UST: variants seen among roughly 807,000 people sequenced by gnomAD.
UST encodes the protein uronyl 2-sulfotransferase.
Under a neutral mutation model 45.6 loss-of-function variants are expected in UST, and 21 were observed. The observed-to-expected ratio is 0.46, with a 90% CI of 0.33 to 0.66. The LOEUF (loss-of-function observed/expected upper bound fraction) is 0.66. Among genes scored for constraint, UST ranks in the 30% least tolerant of loss-of-function variants. UST has a pLI of 0.02. For missense variants in UST, 463 were observed against 512.4 expected (o/e 0.90, Z 0.93); for synonymous variants, 215 against 200.6 (o/e 1.07, Z -0.61).
chr6:148,790,689 A>T lies in UST; in HGVS notation c.247+43012A>T, dbSNP rs1776828242. 6.6e-6 allele frequency among the ~76,000 whole-genome samples: 1 copy of T among 152,132 alleles called. No individual in the cohort carries two copies. The highest frequency in any genetic ancestry group is 6.5e-5 in the Admixed American group (1 of 15,286). On this transcript the variant is annotated intron_variant, in intron 1 of 7. Coordinates refer to ENST00000367463, the MANE Select transcript of UST (RefSeq NM_005715.3). The surrounding 1 kb of genome is among the most constrained non-coding windows in gnomAD (Gnocchi z 4.2). The stretch of plus-strand genomic sequence containing the variant: ...GGAGTGCTGTGCCCCGTGTGGAAGG[A>T]AACCTCCTCGCCCAAGGTTATGCCT...
At chr6:148,948,636 T>A (rs1009467475) in intron 3 of UST, among the ~76,000 whole-genome samples, 1 of 152,248 alleles carries the variant, frequency 6.6e-6, no homozygotes, top group African/African-American at 2.4e-5. Flanking sequence ...AAAAGTATTA[T>A]CTCTGGCATT....
chr6:148,895,426 A>C (rs546066237), intron 2 of UST, among the ~76,000 whole-genome samples: 1 of 152,344 alleles, frequency 6.6e-6, no homozygotes, highest in African/African-American at 2.4e-5. Flanking sequence ...AGCAACAAAG[A>C]AAAACAGTAA....
intron 7 of UST, among the ~76,000 whole-genome samples, chr6:149,055,109 T>C (rs1008050746): frequency 6.6e-6 from 1 of 151,988 alleles, no homozygotes; most frequent in African/African-American, 2.4e-5. Context: ...AGTAAATAAA[T>C]CATTTGGTAG....
chr6:148,894,957 A>G (rs1779095130), intron 2 of UST, among the ~76,000 whole-genome samples: 1 of 151,646 alleles, frequency 6.6e-6, no homozygotes, highest in East Asian at 1.9e-4. Flanking sequence ...AGCTGGGACT[A>G]CAGGTGTGCA....
At chr6:149,060,173 G>C (rs1776632492) in intron 7 of UST, among the ~76,000 whole-genome samples, 1 of 152,198 alleles carries the variant, frequency 6.6e-6, no homozygotes, top group African/African-American at 2.4e-5. Flanking sequence ...TCTCTTGAAG[G>C]TCCAAGTGAT....
chr6:149,025,213 C>T (rs969041720), intron 7 of UST, among the ~76,000 whole-genome samples: 2 of 152,302 alleles, frequency 1.3e-5, no homozygotes, highest in African/African-American at 2.4e-5. Context: ...TCAATAACAG[C>T]GTAACTGTCT....
intron 1 of UST, among the ~76,000 whole-genome samples, chr6:148,789,800 G>GTCTTCATTATGAAAATATTT: frequency 6.6e-6 from 1 of 152,154 alleles, no homozygotes; most frequent in South Asian, 2.1e-4. Flanking sequence ...GTTTTACCAT[G>GTCTTCATTATGAAAATATTT]TTGGCCAGGC....
intron 1 of UST, among the ~76,000 whole-genome samples, chr6:148,799,466 G>A (rs921021987): frequency 4.6e-5 from 7 of 152,166 alleles, no homozygotes; most frequent in African/African-American, 7.2e-5. Context: ...CATTGATAAG[G>A]TGGGCGAAGT....
chr6:149,035,891 G>C (rs1419746071), intron 7 of UST, among the ~76,000 whole-genome samples: 1 of 152,206 alleles, frequency 6.6e-6, no homozygotes, highest in Non-Finnish European at 1.5e-5. Flanking sequence ...ATATTTGTTA[G>C]TGATTGTAGT....
chr6:148,919,451 T>C (rs1396522507), intron 2 of UST, among the ~76,000 whole-genome samples: 1 of 152,006 alleles, frequency 6.6e-6, no homozygotes, highest in African/African-American at 2.4e-5. Context: ...TGTGTACACT[T>C]CTGTTGGTAG....
intron 5 of UST, among the ~76,000 whole-genome samples, chr6:148,987,514 G>C (rs1022461797): frequency 1.3e-5 from 2 of 152,214 alleles, no homozygotes; most frequent in Non-Finnish European, 2.9e-5. Flanking sequence ...CTGCACATGA[G>C]TAAGCTGCAG....
intron 1 of UST, among the ~76,000 whole-genome samples, chr6:148,868,200 CAATT>C (rs1778481864): frequency 6.6e-6 from 1 of 152,194 alleles, no homozygotes; most frequent in Admixed American, 6.5e-5. Flanking sequence ...TAGACTCACT[CAATT>C]GATGTTTTCT....
chr6:148,890,543 T>G (rs973226898), intron 2 of UST, among the ~76,000 whole-genome samples: 3 of 152,162 alleles, frequency 2.0e-5, no homozygotes, highest in African/African-American at 7.2e-5. Flanking sequence ...ACCCTGAAAA[T>G]ATACTGACGT....
chr6:149,049,181 A>G (rs1320063483), intron 7 of UST, among the ~76,000 whole-genome samples: 1 of 152,226 alleles, frequency 6.6e-6, no homozygotes, highest in Non-Finnish European at 1.5e-5. Context: ...TAGAAAAAAA[A>G]ATCATACAGG....
intron 1 of UST, among the ~76,000 whole-genome samples, chr6:148,759,484 A>G (rs1057105501): frequency 3.3e-5 from 5 of 151,596 alleles, no homozygotes; most frequent in African/African-American, 1.2e-4. Flanking sequence ...CCGAGATCGC[A>G]CCACTGCACT....
At chr6:148,822,248 T>C (rs1459512203) in intron 1 of UST, among the ~76,000 whole-genome samples, 1 of 152,248 alleles carries the variant, frequency 6.6e-6, no homozygotes, top group African/African-American at 2.4e-5. Context: ...AAAAATCTTA[T>C]GCTTACATTG....
At position 148,931,621 on chromosome 6, in the gene UST, G is replaced by A. The variant is rs544397759; in HGVS notation, c.292-9658G>A. 2.4e-4 allele frequency among the ~76,000 whole-genome samples: 36 copies of A among 152,278 alleles called. No homozygotes were observed. The South Asian group carries it at 3.9e-3, about 17-fold the overall frequency. The stretch of plus-strand genomic sequence containing the variant: ...GTTTGTCTAATAAGGACTTTTGGAC[G>A]ACTGAATACATAGCATGTAAGAAAG... On this transcript the variant is annotated intron_variant, in intron 2 of 7. Transcript: ENST00000367463.
At chr6:149,070,753 CT>C (rs931565259) in intron 7 of UST, among the ~76,000 whole-genome samples, 1 of 149,918 alleles carries the variant, frequency 6.7e-6, no homozygotes, top group African/African-American at 2.5e-5. Context: ...CAGTTATGCT[CT>C]TTTAGTTATT....
chr6:148,888,994 T>C (rs756585638), intron 2 of UST, among the ~76,000 whole-genome samples: 8 of 152,232 alleles, frequency 5.3e-5, no homozygotes, highest in Non-Finnish European at 7.3e-5. Flanking sequence ...AATTAGACCA[T>C]GGAATCCAGA....
Sources: gnomAD v4.1 joint callset for allele counts (sites outside exome capture counted in the v4.1 genomes callset) on GRCh38, gnomAD v4.1.1 for gene constraint, Gnocchi (gnomAD v3.1) non-coding constraint, MANE v1.5 for transcripts, NCBI Gene and HGNC (gene_info 2026-07-23, HGNC 2026-07-21) for gene names.